The following RAB3GAP2 variants were observed in gnomAD, a reference collection of about 807,000 sequenced individuals.
RAB3GAP2 encodes RAB3 GTPase activating non-catalytic protein subunit 2, also known as rab3 GTPase-activating protein non-catalytic subunit.
In RAB3GAP2, 87 loss-of-function variants were observed where a neutral mutation model predicts 185.3. The observed-to-expected ratio is 0.47, with a 90% CI of 0.39 to 0.56. RAB3GAP2 has a LOEUF of 0.56. RAB3GAP2 is among the 20% of genes least tolerant of loss of function. RAB3GAP2 has a pLI of 0.00. For synonymous variants in RAB3GAP2, 554 were observed against 576.1 expected, an observed-to-expected ratio of 0.96 and a Z score of 0.55; for missense variants, 1,492 against 1,638.2, an observed-to-expected ratio of 0.91 and a Z score of 1.54.
chr1:220,172,694 T>C lies in RAB3GAP2; in HGVS notation c.2359A>G (p.Lys787Glu), dbSNP rs1196930967. 5 of 1,613,306 alleles carry C rather than the reference T, an allele frequency of 3.1e-6. No homozygotes were observed. The highest frequency in any genetic ancestry group is 1.3e-5 in the African/African-American group (1 of 75,030). Residue 787 changes from lysine to glutamate, a missense_variant, in exon 22 of 35, where the codon AAA becomes GAA. Physicochemically the swap from Lys to Glu is moderately conservative, Grantham distance 56. Around this residue, in one of 5 missense-constraint regions of RAB3GAP2, gnomAD observed 681 missense variants for 689.1 expected, o/e 0.99. Coordinates refer to ENST00000358951, the MANE Select transcript of RAB3GAP2 (RefSeq NM_012414.4). ...WLSKEKDILD[K>E]PQSICCLHTM... The stretch of plus-strand genomic sequence containing the variant: ...TGAAGACAGCAGATTGACTGTGGTT[T>C]ATCCAAAATATCCTTTTCCTTTGAA...
intron 1 of RAB3GAP2, chr1:220,254,365 T>C: frequency 6.2e-7 from 1 of 1,613,288 alleles, no homozygotes; most frequent in African/African-American, 1.3e-5. Flanking sequence ...TCTCCTGAGA[T>C]TATTTGTACG....
rs183606309 is a variant in RAB3GAP2 at position 220,156,153 on chromosome 1, G to T, written c.3555+1117C>A. Reference sequence around the variant, plus strand: ...TTTACTAGTGACAGGGTTTCACCATGTTGGCCAGGCTGGTCTCAAACTCCT... The same window carrying T: ...TTTACTAGTGACAGGGTTTCACCATTTTGGCCAGGCTGGTCTCAAACTCCT... On this transcript the variant is annotated intron_variant, in intron 31 of 34. Transcript: ENST00000358951. Among the ~76,000 whole-genome samples, 682 of 152,148 alleles carry T rather than the reference G, an allele frequency of 4.5e-3. 3 individuals carry two copies. The highest frequency in any genetic ancestry group is 0.015 in the African/African-American group (639 of 41,508).
At chr1:220,176,795 T>G (rs530599327) in intron 21 of RAB3GAP2, among the ~76,000 whole-genome samples, 103 of 152,180 alleles carry the variant, frequency 6.8e-4, no homozygotes, top group African/African-American at 2.4e-3. Context: ...AACTATCCTA[T>G]CTGTGCAGGA....
At chr1:220,219,167 G>T (rs1018166141) in intron 2 of RAB3GAP2, among the ~76,000 whole-genome samples, 1 of 152,102 alleles carries the variant, frequency 6.6e-6, no homozygotes, top group Admixed American at 6.6e-5. Context: ...TACAAATTAA[G>T]AAACTGTAGT....
chr1:220,220,591 C>T (rs970319261), intron 2 of RAB3GAP2: 1 of 152,176 alleles, frequency 6.6e-6, no homozygotes, highest in African/African-American at 2.4e-5. Flanking sequence ...ATTTTTTGTA[C>T]CTGGCTGATA....
At chr1:220,179,743 A>G (rs1658365039) in intron 21 of RAB3GAP2, among the ~76,000 whole-genome samples, 2 of 152,246 alleles carry the variant, frequency 1.3e-5, no homozygotes, top group South Asian at 4.1e-4. Context: ...TACAGATATT[A>G]AACGACATGC....
At chr1:220,251,290 T>C (rs1018597411) in intron 1 of RAB3GAP2, among the ~76,000 whole-genome samples, 2 of 152,200 alleles carry the variant, frequency 1.3e-5, no homozygotes, top group African/African-American at 4.8e-5. Flanking sequence ...GATTAAAATC[T>C]AGTAGAATGT....
At position 220,164,742 on chromosome 1, in the gene RAB3GAP2, C is replaced by T. The variant is rs775225394; in HGVS notation, c.3145G>A (p.Val1049Ile). 18 of 1,605,398 alleles carry T rather than the reference C, an allele frequency of 1.1e-5. No individual in the cohort carries two copies. The highest frequency in any genetic ancestry group is 1.4e-5 in the Non-Finnish European group (17 of 1,174,632). Residue 1049 changes from valine (V) to isoleucine (I), a missense_variant, in exon 27 of 35, where the codon GTT (valine) becomes ATT (isoleucine). Val to Ile is a conservative substitution (Grantham distance 29). This residue lies in a region of RAB3GAP2 where 387 missense variants were observed against 455.3 expected (regional missense o/e 0.85). Coordinates refer to ENST00000358951, the MANE Select transcript of RAB3GAP2 (RefSeq NM_012414.4). ...EHLKQIFNAHVQNGIALMMWN... is the reference protein window; with the variant it reads ...EHLKQIFNAHIQNGIALMMWN... ...ACATCTGTTTACTTACCATTTTGAA[C>T]ATGTGCATTAAATATTTGCTTCAAG...
At chr1:220,236,622 A>C (rs1659595814) in intron 1 of RAB3GAP2, among the ~76,000 whole-genome samples, 1 of 152,058 alleles carries the variant, frequency 6.6e-6, no homozygotes, top group South Asian at 2.1e-4. Context: ...CACTTTACCA[A>C]AGTTATTTCT....
In RAB3GAP2 at chr1:220,178,594, G is replaced by A. The variant is rs554639880; in HGVS notation, c.2310+3663C>T. Among the ~76,000 whole-genome samples, 3 of 152,164 alleles carry A rather than the reference G, an allele frequency of 2.0e-5. No homozygotes were observed. In the East Asian group the frequency reaches 5.8e-4, roughly 29 times the overall value. ...CTGGTATCAGTTTTAAATACTTGTT[G>A]TAACTAGATTTTTTTTGTAAGCCTC... On this transcript the variant is annotated intron_variant, in intron 21 of 34. Transcript: ENST00000358951.
At chr1:220,229,696 C>T (rs1044488688) in intron 2 of RAB3GAP2, among the ~76,000 whole-genome samples, 2 of 152,180 alleles carry the variant, frequency 1.3e-5, no homozygotes, top group African/African-American at 4.8e-5. Context: ...TCAGTGGGCT[C>T]ATTAAGATGT....
intron 1 of RAB3GAP2, among the ~76,000 whole-genome samples, chr1:220,258,750 G>A (rs1380157949): frequency 6.6e-6 from 1 of 152,144 alleles, no homozygotes; most frequent in Non-Finnish European, 1.5e-5. Flanking sequence ...AATCAGGCAA[G>A]AGAAAGAAAT....
intron 1 of RAB3GAP2, among the ~76,000 whole-genome samples, chr1:220,249,240 G>C (rs770877065): frequency 3.7e-4 from 57 of 152,222 alleles, no homozygotes; most frequent in Non-Finnish European, 6.8e-4. Flanking sequence ...GGGAAAGTTT[G>C]GAACTCCCTA....
At chr1:220,236,289 G>T (rs1056218248) in intron 1 of RAB3GAP2, among the ~76,000 whole-genome samples, 2 of 152,132 alleles carry the variant, frequency 1.3e-5, no homozygotes, top group Non-Finnish European at 2.9e-5. Context: ...CGAGTCTCCT[G>T]CCTCAGCTTC....
At chr1:220,210,589 G>A in intron 6 of RAB3GAP2, 100 bp from the exon 7 acceptor site, 1 of 1,040,656 alleles carries the variant, frequency 9.6e-7, no homozygotes, top group East Asian at 2.4e-5. Flanking sequence ...CAGTTTTCCA[G>A]AGATACCAGG....
intron 7 of RAB3GAP2, among the ~76,000 whole-genome samples, chr1:220,207,239 T>A (rs1057110789): frequency 1.2e-4 from 18 of 152,236 alleles, no homozygotes; most frequent in Admixed American, 3.3e-4. Context: ...CATACAGTAT[T>A]CACAATTTTC....
intron 2 of RAB3GAP2, among the ~76,000 whole-genome samples, chr1:220,227,693 G>C (rs905717638): frequency 6.6e-6 from 1 of 152,132 alleles, no homozygotes. Context: ...ACCCTCTTCT[G>C]GTTATAATAA....
intron 31 of RAB3GAP2, among the ~76,000 whole-genome samples, chr1:220,154,988 G>A (rs921521268): frequency 7.9e-5 from 12 of 152,192 alleles, no homozygotes; most frequent in African/African-American, 2.9e-4. Context: ...GCCTCCCAAA[G>A]TGCTGGGATT....
At chr1:220,201,522 C>T (rs1349842055) in intron 9 of RAB3GAP2, among the ~76,000 whole-genome samples, 3 of 152,060 alleles carry the variant, frequency 2.0e-5, no homozygotes, top group Non-Finnish European at 4.4e-5. Flanking sequence ...TTTCTTGAGA[C>T]AGAGTCTCGC....
Sources: allele counts gnomAD v4.1 joint callset (sites outside exome capture counted in the v4.1 genomes callset), GRCh38; gene constraint gnomAD v4.1.1; regional missense constraint gnomAD v4.1.1; transcripts MANE v1.5; gene names NCBI Gene and HGNC (gene_info 2026-07-23, HGNC 2026-07-21).